The following FRMD1 variants were observed in gnomAD, a reference collection of about 807,000 sequenced individuals.
The protein encoded by FRMD1 is FERM domain containing 1, also known as FERM domain-containing protein 1.
Under a neutral mutation model 54.9 loss-of-function variants are expected in FRMD1, and 51 were observed. That is an observed-to-expected ratio of 0.93 (90% CI 0.74 to 1.17). The LOEUF is 1.17. Among genes scored for constraint, FRMD1 ranks in the 50% most tolerant of loss-of-function variants. The probability of loss-of-function intolerance (pLI) is 0.00; values close to 1 mark genes in which losing one functional copy is unlikely to be tolerated. For synonymous variants in FRMD1, 324 were observed against 306.4 expected (o/e 1.06, Z -0.60); for missense variants, 729 against 743.0 (o/e 0.98, Z 0.22).
chr6:168,079,055 G>T lies in FRMD1; in HGVS notation c.40C>A (p.Arg14=). 1 of 1,610,176 alleles carries T rather than the reference G, an allele frequency of 6.2e-7. No homozygotes were observed. The highest frequency in any genetic ancestry group is 8.5e-7 in the Non-Finnish European group (1 of 1,179,890). ...GGAGGGAACGTGTCAGGGTTTGTCC[G>T]GGCGGGGTCTATGCCCCTCCCTCTC... ...PPRGRGIDPA[R]TNPDTFPPSG... is the part of the protein sequence containing the mutation. The change falls in exon 1 of 11, where the codon CGG becomes AGG. Residue 14 remains arginine (R), a synonymous_variant. Transcript: ENST00000283309.
rs189940864 is a variant in FRMD1, at chr6:168,072,612, C to T, written c.304+2633G>A. 2.5e-3 allele frequency among the ~76,000 whole-genome samples: 378 copies of T among 152,344 alleles called. 2 individuals are homozygous for T. Among genetic ancestry groups the T allele is most frequent in the African/African-American group, 8.1e-3 (336 of 41,592 alleles). On this transcript the variant is annotated intron_variant, in intron 2 of 10. Coordinates refer to ENST00000283309, the MANE Select transcript of FRMD1 (RefSeq NM_024919.6). ...CTCCAACATGTCGGTGAACGTCCGG[C>T]GGTGATGAACATGATGCACAACCAA...
rs1346674441 is a variant in FRMD1 at position 168,060,869 on chromosome 6, C to T, written c.1234G>A (p.Glu412Lys). ...TCCAAGGGCACGTCCACAGACATCT[C>T]TCTGGATTCCCTGAGCCAGGAGTTG... ...KANSWLRESR[E>K]MSVDVPLEVH... Residue 412 changes from glutamate (E) to lysine (K), a missense_variant, in exon 9 of 11, where the codon GAG (glutamate) becomes AAG (lysine). Glu to Lys is a moderately conservative substitution (Grantham distance 56). Transcript: ENST00000283309. 4.3e-6 allele frequency: 7 copies of T among 1,613,854 alleles called. No individual in the cohort carries two copies. The highest frequency in any genetic ancestry group is 1.7e-5 in the Admixed American group (1 of 60,030).
upstream of FRMD1, chr6:168,081,696 C>G (rs1800834708): frequency 2.0e-6 from 1 of 502,376 alleles, no homozygotes. Context: ...GACTAAACAT[C>G]CCACTGCAAG....
intron 10 of FRMD1, 131 bp downstream of exon 10, chr6:168,058,993 C>A (rs1799568152): frequency 1.5e-6 from 1 of 682,012 alleles, no homozygotes; most frequent in South Asian, 1.9e-5. Context: ...TTGCCCGCTG[C>A]GTCTCTGGGG....
rs1799376461 is a variant in FRMD1, at chr6:168,055,825, T to A, written c.*1272A>T. ...AGGAGGCATCTGCTCGGGTTCTTTATTACACGTGCCTGGGGCACACACACG... is the reference window on the plus strand; with the variant it reads ...AGGAGGCATCTGCTCGGGTTCTTTAATACACGTGCCTGGGGCACACACACG... On this transcript the variant is annotated 3_prime_UTR_variant, in exon 11 of 11. Transcript: ENST00000283309. 1 of 152,174 alleles carries A rather than the reference T, an allele frequency of 6.6e-6. No homozygotes were observed. The highest frequency in any genetic ancestry group is 1.5e-5 in the Non-Finnish European group (1 of 68,038). 9.4% of individuals were successfully genotyped at this position (152,174 alleles called of 1,614,324 possible). A position where few individuals can be genotyped will look rare whatever the true frequency, so the allele number is the denominator to read the frequency against.
At chr6:168,075,194 G>T in intron 2 of FRMD1, 51 bp downstream of exon 2, 1 of 1,517,966 alleles carries the variant, frequency 6.6e-7, no homozygotes, top group Non-Finnish European at 9.1e-7. Context: ...TTGACCTCCA[G>T]CAGATGCGGC....
At position 168,055,306 on chromosome 6, in the gene FRMD1, T is replaced by C. The variant is rs71573442; in HGVS notation, c.*1791A>G. 1,324 of 152,956 alleles carry C rather than the reference T, an allele frequency of 8.7e-3. 10 individuals are homozygous for C. Among genetic ancestry groups the C allele is most frequent in the South Asian group, 0.013 (64 of 4,832 alleles). The allele number at this position is 152,956 out of a possible 1,614,324, so 9.5% of individuals were successfully genotyped here. On this transcript the variant is annotated 3_prime_UTR_variant, in exon 11 of 11. Transcript: ENST00000283309. ...GAAGCCTGGACATGGGGAGTGTGCA[T>C]GTATGGATGTGTGCATGTGTGTGTG...
At chr6:168,078,574 ACAGCCC>A (rs2115019073) in intron 1 of FRMD1, among the ~76,000 whole-genome samples, 1 of 52,224 alleles carries the variant, frequency 1.9e-5, no homozygotes, top group African/African-American at 8.1e-5. Context: ...GCTCACCCTC[ACAGCCC>A]TGCTCACCCC....
intron 4 of FRMD1, 144 bp from the exon 5 acceptor site, chr6:168,065,201 C>G (rs537530650): frequency 1.8e-4 from 261 of 1,423,246 alleles, no homozygotes; most frequent in Non-Finnish European, 2.3e-4. Flanking sequence ...ATACCCACAG[C>G]TGTGTCCCTG....
At chr6:168,083,791 C>T (rs6455478), upstream of FRMD1, among the ~76,000 whole-genome samples, 1 of 152,346 alleles carries the variant, frequency 6.6e-6, no homozygotes, top group Middle Eastern at 3.4e-3. Flanking sequence ...TGTCCCTGGC[C>T]GGGGAAGACA....
upstream of FRMD1, among the ~76,000 whole-genome samples, chr6:168,083,734 T>A (rs1480449024): frequency 6.6e-6 from 1 of 152,122 alleles, no homozygotes; most frequent in Non-Finnish European, 1.5e-5. Flanking sequence ...ACAGCCTCCC[T>A]GGCAAACACA....
In FRMD1 at chr6:168,078,865, C is replaced by T. The variant is rs200192100; in HGVS notation, c.213+17G>A. On this transcript the variant is annotated intron_variant, in intron 1 of 10. Transcript: ENST00000283309. ...ACAGCTCTGTTTACCCCCACGGCCACCCAGGGCCCTGCTCACCCCCACGGC... is the reference window on the plus strand; with the variant it reads ...ACAGCTCTGTTTACCCCCACGGCCATCCAGGGCCCTGCTCACCCCCACGGC... The T allele has an allele frequency of 1.9e-6, 3 of 1,553,826 alleles. No individual in the cohort carries two copies. In the African/African-American group the frequency reaches 4.1e-5, roughly 21 times the overall value.
intron 4 of FRMD1, chr6:168,065,953 G>A: frequency 1.0e-6 from 1 of 1,000,226 alleles, no homozygotes. Flanking sequence ...GGACGTCTTT[G>A]TTACCCTAGA....
At position 168,055,312 on chromosome 6, in the gene FRMD1, G is replaced by GATGTGTGC. The variant is rs113514107; in HGVS notation, c.*1777_*1784dup. 7.2e-3 allele frequency: 1,106 copies of GATGTGTGC among 153,246 alleles called. 13 individuals are homozygous for GATGTGTGC. Among genetic ancestry groups the GATGTGTGC allele is most frequent in the African/African-American group, 0.026 (1,065 of 41,568 alleles). The allele number at this position is 153,246 out of a possible 1,614,324, so 9.5% of individuals were successfully genotyped here. A position where few individuals can be genotyped will look rare whatever the true frequency, so the allele number is the denominator to read the frequency against. On this transcript the variant is annotated 3_prime_UTR_variant, in exon 11 of 11. Transcript: ENST00000283309. ...TGGACATGGGGAGTGTGCATGTATG[G>GATGTGTGC]ATGTGTGCATGTGTGTGTGTGCATG... is the stretch of plus-strand genomic sequence containing the variant.
At chr6:168,083,793 G>A (rs539632852), upstream of FRMD1, among the ~76,000 whole-genome samples, 59 of 152,340 alleles carry the variant, frequency 3.9e-4, no homozygotes, top group Non-Finnish European at 6.8e-4. Flanking sequence ...TCCCTGGCCG[G>A]GGAAGACAGC....
At chr6:168,091,444 C>T (rs952130001) in intron 1 of FRMD1, among the ~76,000 whole-genome samples, 4 of 152,274 alleles carry the variant, frequency 2.6e-5, no homozygotes, top group African/African-American at 7.2e-5. Context: ...CAAGTCCTCG[C>T]CCCTCCTCTT....
In FRMD1 at chr6:168,070,913, A is replaced by G. The variant is rs111456151; in HGVS notation, c.305-3467T>C. On this transcript the variant is annotated intron_variant, in intron 2 of 10. Transcript: ENST00000283309. ...CCCTGAACCCAGCAGGGTGGGGACT[A>G]CATGCACCCTCTAGAGCCTCCTCAC... 7.5e-3 allele frequency among the ~76,000 whole-genome samples: 1,145 copies of G among 152,306 alleles called. 15 individuals are homozygous for G. The highest frequency in any genetic ancestry group is 0.027 in the African/African-American group (1,102 of 41,576).
At chr6:168,082,000 G>C (rs1317661270), upstream of FRMD1, 1 of 154,370 alleles carries the variant, frequency 6.5e-6, no homozygotes, top group Admixed American at 6.4e-5. Flanking sequence ...AAGTGCACCT[G>C]TGCGCCATAG....
chr6:168,062,034 C>A (rs2114964493), intron 7 of FRMD1, 53 bp from the exon 8 acceptor site: 1 of 1,527,916 alleles, frequency 6.5e-7, no homozygotes, highest in Non-Finnish European at 8.9e-7. Context: ...CCACGCTAGC[C>A]ACAGGAAAGG....
Sources: allele counts gnomAD v4.1 joint callset (sites outside exome capture counted in the v4.1 genomes callset), GRCh38; gene constraint gnomAD v4.1.1; transcripts MANE v1.5; gene names NCBI Gene and HGNC (gene_info 2026-07-23, HGNC 2026-07-21).